The following CADPS variants were observed in gnomAD, a reference collection of about 807,000 sequenced individuals.
The protein encoded by CADPS is calcium-dependent secretion activator 1.
Under a neutral mutation model 167.3 loss-of-function variants are expected in CADPS, and 57 were observed. That is an observed-to-expected ratio of 0.34 (90% confidence interval 0.28 to 0.42). The LOEUF is 0.42. Among genes scored for constraint, CADPS ranks in the 20% least tolerant of loss-of-function variants. The probability of loss-of-function intolerance (pLI) is 1.00; values close to 1 mark genes in which losing one functional copy is unlikely to be tolerated. For synonymous variants in CADPS, 676 were observed against 635.3 expected, an observed-to-expected ratio of 1.06 and a Z score of -0.96; for missense variants, 1,414 against 1,738.1, an observed-to-expected ratio of 0.81 and a Z score of 3.32.
chr3:62,811,240 C>G (rs1309502208), intron 1 of CADPS, among the ~76,000 whole-genome samples: 1 of 152,012 alleles, frequency 6.6e-6, no homozygotes, highest in Non-Finnish European at 1.5e-5. Context: ...CTTAATTGCT[C>G]TCTCCTCTTT....
intron 26 of CADPS, among the ~76,000 whole-genome samples, chr3:62,457,615 T>C (rs1279729170): frequency 1.3e-5 from 2 of 152,212 alleles, no homozygotes; most frequent in African/African-American, 2.4e-5. Context: ...TCATGGGTAA[T>C]AGTTTGGATT....
chr3:62,599,870 T>C (rs1562720421), intron 6 of CADPS, among the ~76,000 whole-genome samples: 1 of 65,254 alleles, frequency 1.5e-5, no homozygotes, highest in East Asian at 3.9e-4. Context: ...TAATATATAA[T>C]AATATATAAT....
Position 62,674,266 on chromosome 3 carries a change from G to A in CADPS, c.889-11872C>T, listed in dbSNP as rs1471128005. On this transcript the variant is annotated intron_variant, in intron 3 of 29. Transcript: ENST00000383710. ...AATTAATTAAATTAAAACCTTTCCA[G>A]GGTACTTGAGAACTGTCACATGCAC... Among the ~76,000 whole-genome samples the A allele has an allele frequency of 1.9e-4, 29 of 152,116 alleles. 1 individual carries two copies. The highest frequency in any genetic ancestry group is 1.9e-3 in the Admixed American group (29 of 15,260).
At chr3:62,659,126 T>G (rs1369428639) in intron 4 of CADPS, among the ~76,000 whole-genome samples, 2 of 152,178 alleles carry the variant, frequency 1.3e-5, no homozygotes, top group Non-Finnish European at 2.9e-5. Flanking sequence ...TTACATATGA[T>G]GGATGACATC....
chr3:62,547,060 T>C (rs2076561024), intron 11 of CADPS, among the ~76,000 whole-genome samples: 1 of 152,198 alleles, frequency 6.6e-6, no homozygotes, highest in Admixed American at 6.5e-5. Flanking sequence ...TAACTGGTTG[T>C]CTCTGATGGC....
chr3:62,814,862 A>C (rs1440534956), intron 1 of CADPS, among the ~76,000 whole-genome samples: 1 of 152,164 alleles, frequency 6.6e-6, no homozygotes, highest in African/African-American at 2.4e-5. Flanking sequence ...ATTACGTTAA[A>C]GATCAAAGCA....
intron 12 of CADPS, chr3:62,536,019 T>A (rs1209530062): frequency 6.5e-6 from 1 of 153,668 alleles, no homozygotes; most frequent in African/African-American, 2.4e-5. Context: ...TTACAAATCA[T>A]TTTAACCTTT....
At chr3:62,728,278 TCTCCCAGCAAAGATTGTC>T (rs2077119537) in intron 3 of CADPS, among the ~76,000 whole-genome samples, 1 of 151,158 alleles carries the variant, frequency 6.6e-6, no homozygotes, top group South Asian at 2.1e-4. Context: ...CTGGGCTGTT[TCTCCCAGCAAAGATTGTC>T]CTCCTCTCGA....
chr3:62,744,345 T>C (rs759651488), intron 3 of CADPS, among the ~76,000 whole-genome samples: 12 of 150,860 alleles, frequency 8.0e-5, no homozygotes, highest in Non-Finnish European at 1.5e-4. Flanking sequence ...TTAATGTATT[T>C]TATTCATATT....
At chr3:62,711,371 G>C (rs2083364916) in intron 3 of CADPS, among the ~76,000 whole-genome samples, 1 of 152,162 alleles carries the variant, frequency 6.6e-6, no homozygotes, top group African/African-American at 2.4e-5. Flanking sequence ...TTGGTTTGTT[G>C]CCTACATTCA....
intron 1 of CADPS, among the ~76,000 whole-genome samples, chr3:62,816,588 T>C (rs62242380): frequency 0.2 from 31,092 of 151,692 alleles, 3,411 homozygotes; most frequent in African/African-American, 0.24. Context: ...TAAATATCTA[T>C]GTATATATTT....
At chr3:62,510,044 G>A (rs920224342) in intron 17 of CADPS, among the ~76,000 whole-genome samples, 3 of 152,220 alleles carry the variant, frequency 2.0e-5, no homozygotes, top group Admixed American at 2.0e-4. Flanking sequence ...CAGGGCCAAG[G>A]CCCATAGGTT....
At chr3:62,852,665 TCTAC>T (rs913506871) in intron 1 of CADPS, among the ~76,000 whole-genome samples, 3 of 152,022 alleles carry the variant, frequency 2.0e-5, no homozygotes, top group African/African-American at 7.2e-5. Context: ...GACACCTGTC[TCTAC>T]CTTCATGACT....
chr3:62,425,445 C>T (rs181614323), intron 28 of CADPS, among the ~76,000 whole-genome samples: 3 of 152,166 alleles, frequency 2.0e-5, no homozygotes, highest in East Asian at 3.9e-4. Flanking sequence ...ATTAAACTCT[C>T]GGAACTTATT....
chr3:62,487,427 G>T (rs2063007399), intron 21 of CADPS, among the ~76,000 whole-genome samples: 1 of 152,338 alleles, frequency 6.6e-6, no homozygotes, highest in South Asian at 2.1e-4. Context: ...CCAACTGTGA[G>T]TGGTGACCCT....
In CADPS at chr3:62,433,181, G is replaced by C. The variant is rs760530816; in HGVS notation, c.3777+4923C>G. On this transcript the variant is annotated intron_variant, in intron 28 of 29. Transcript: ENST00000383710. The surrounding 1 kb of genome is among the most constrained non-coding windows in gnomAD (Gnocchi z 4.7). ...AATTTAATAAGGTTGTTAAAATAAGGGTATCTGTGGTTTCATATATAAATA... is the reference window on the plus strand; with the variant it reads ...AATTTAATAAGGTTGTTAAAATAAGCGTATCTGTGGTTTCATATATAAATA... Among the ~76,000 whole-genome samples, 30 of 151,970 alleles carry C rather than the reference G, an allele frequency of 2.0e-4. No individual in the cohort carries two copies. The highest frequency in any genetic ancestry group is 4.0e-4 in the Non-Finnish European group (27 of 68,006).
intron 1 of CADPS, among the ~76,000 whole-genome samples, chr3:62,815,402 G>A (rs985541587): frequency 2.9e-4 from 44 of 151,974 alleles, no homozygotes; most frequent in African/African-American, 1.0e-3. Context: ...TCTATGGTCC[G>A]AGAAATCAGG....
intron 1 of CADPS, among the ~76,000 whole-genome samples, chr3:62,823,932 C>T (rs569004703): frequency 7.2e-5 from 11 of 152,056 alleles, no homozygotes; most frequent in African/African-American, 1.2e-4. Flanking sequence ...TAAGTTAACA[C>T]GGCCCATGTT....
intron 10 of CADPS, among the ~76,000 whole-genome samples, chr3:62,554,057 G>A (rs932130622): frequency 1.3e-5 from 2 of 152,138 alleles, no homozygotes; most frequent in Non-Finnish European, 1.5e-5. Context: ...ATTTATGAGG[G>A]TAAAAAAGGT....
Sources: allele counts gnomAD v4.1 joint callset (sites outside exome capture counted in the v4.1 genomes callset), GRCh38; gene constraint gnomAD v4.1.1; non-coding constraint Gnocchi (gnomAD v3.1); transcripts MANE v1.5; gene names NCBI Gene and HGNC (gene_info 2026-07-23, HGNC 2026-07-21).